The following IL1RAPL1 variants were observed in gnomAD, a reference collection of about 807,000 sequenced individuals.
IL1RAPL1 encodes interleukin 1 receptor accessory protein like 1, also known as interleukin-1 receptor accessory protein-like 1.
A neutral mutation model predicts 48.4 loss-of-function variants in IL1RAPL1; 3 were observed. The ratio of observed to expected loss-of-function variants is 0.06; its 90% confidence interval spans 0.03 to 0.16. The LOEUF is 0.16. IL1RAPL1 is among the 10% of genes least tolerant of loss of function. The pLI is 1.00. For synonymous variants in IL1RAPL1, 185 were observed against 187.7 expected (o/e 0.99, Z 0.12); for missense variants, 349 against 530.6 (o/e 0.66, Z 3.36).
chrX:28,592,414 C>A (rs1384492852), intron 1 of IL1RAPL1, among the ~76,000 whole-genome samples: 1 of 111,162 alleles, frequency 9.0e-6, no homozygotes, highest in Admixed American at 9.6e-5. Flanking sequence ...AGTTTGAATA[C>A]CAAGTGTAAT....
chrX:29,644,558 G>T (rs376293830), intron 5 of IL1RAPL1, among the ~76,000 whole-genome samples: 158 of 90,248 alleles, frequency 1.8e-3, no homozygotes, highest in African/African-American at 3.2e-3. Context: ...TTTTTTTTTT[G>T]TTTTGTTTTC....
intron 2 of IL1RAPL1, among the ~76,000 whole-genome samples, chrX:29,159,551 T>A (rs890500741): frequency 8.9e-6 from 1 of 111,822 alleles, no homozygotes; most frequent in African/African-American, 3.2e-5. Flanking sequence ...AGTCCAGAAA[T>A]GTCTGTGAAT....
intron 3 of IL1RAPL1, among the ~76,000 whole-genome samples, chrX:29,319,152 A>ATCTATCTATCTGTCTGTCTGTCTGTCTG (rs368138032): frequency 1.2e-4 from 9 of 74,101 alleles, no homozygotes; most frequent in African/African-American, 4.6e-4. Flanking sequence ...ATATCTGTCT[A>ATCTATCTATCTGTCTGTCTGTCTGTCTG]TCTGTCTGTC....
At chrX:29,591,471 CA>C (rs1482082659) in intron 5 of IL1RAPL1, among the ~76,000 whole-genome samples, 2 of 112,487 alleles carry the variant, frequency 1.8e-5, no homozygotes, top group Non-Finnish European at 3.8e-5. Context: ...TCTGCTTAGA[CA>C]GAGGTAGAGG....
intron 5 of IL1RAPL1, among the ~76,000 whole-genome samples, chrX:29,642,265 C>T (rs1602342086): frequency 8.9e-6 from 1 of 111,970 alleles, no homozygotes; most frequent in South Asian, 3.7e-4. Context: ...TGTATTAAAG[C>T]CCTGCGCTAA....
intron 6 of IL1RAPL1, among the ~76,000 whole-genome samples, chrX:29,674,735 G>A (rs1210503723): frequency 2.7e-5 from 3 of 110,701 alleles, no homozygotes; most frequent in African/African-American, 9.9e-5. Flanking sequence ...CCACCCTCAG[G>A]TAGGCCCCAG....
chrX:29,889,867 A>AT (rs763936615), intron 6 of IL1RAPL1, among the ~76,000 whole-genome samples: 619 of 106,610 alleles, frequency 5.8e-3, no homozygotes, highest in Middle Eastern at 0.024. Flanking sequence ...AACTGTTTCA[A>AT]TTTTTTTTTT....
At position 29,418,125 on chromosome X, in the gene IL1RAPL1, A is replaced by ATT. The variant is rs1186251989; in HGVS notation, c.703+18833_703+18834dup. Among the ~76,000 whole-genome samples the ATT allele has an allele frequency of 7.9e-3, 211 of 26,668 alleles. 2 individuals carry two copies. The highest frequency in any genetic ancestry group is 0.045 in the South Asian group (8 of 176). The allele number at this position is 26,668 out of a possible 115,157, so 23.2% of individuals were successfully genotyped here. A position where few individuals can be genotyped will look rare whatever the true frequency, so the allele number is the denominator to read the frequency against. ...TATATATATATATATATATATATAT[A>ATT]TTTTTTTTTTTTTTTTTGAGATGGA... On this transcript the variant is annotated intron_variant, in intron 5 of 10. Coordinates refer to ENST00000378993, the MANE Select transcript of IL1RAPL1 (RefSeq NM_014271.4).
At chrX:28,902,613 G>C (rs927521509) in intron 2 of IL1RAPL1, among the ~76,000 whole-genome samples, 3 of 111,673 alleles carry the variant, frequency 2.7e-5, no homozygotes, top group Non-Finnish European at 5.6e-5. Flanking sequence ...TCTACACCTG[G>C]TAATAGTGCA....
chrX:28,788,715 G>A (rs141657830), intron 1 of IL1RAPL1, among the ~76,000 whole-genome samples: 178 of 107,772 alleles, frequency 1.7e-3, no homozygotes, highest in African/African-American at 5.1e-3. Context: ...GGATCTACCC[G>A]CTTCAGCCTC....
chrX:29,789,276 A>T (rs1023335775), intron 6 of IL1RAPL1, among the ~76,000 whole-genome samples: 3 of 111,987 alleles, frequency 2.7e-5, no homozygotes, highest in Non-Finnish European at 5.6e-5. Flanking sequence ...ATTAAATCTC[A>T]TGAGGAATTG....
chrX:29,522,559 C>T (rs1935513597), intron 5 of IL1RAPL1, among the ~76,000 whole-genome samples: 3 of 111,764 alleles, frequency 2.7e-5, no homozygotes, highest in Middle Eastern at 9.2e-3. Flanking sequence ...GTTGTCTCTC[C>T]GTATCTGGAG....
chrX:28,727,820 A>G (rs770353158), intron 1 of IL1RAPL1, among the ~76,000 whole-genome samples: 1 of 111,228 alleles, frequency 9.0e-6, no homozygotes, highest in South Asian at 3.8e-4. Context: ...TATCGCAAGA[A>G]CAAAAAACCA....
At chrX:29,211,120 GGA>G (rs3065741) in intron 2 of IL1RAPL1, among the ~76,000 whole-genome samples, 55 of 103,951 alleles carry the variant, frequency 5.3e-4, no homozygotes, top group African/African-American at 8.4e-4. Context: ...AAAGAGAAAG[GGA>G]GAGAGAGAGA....
At chrX:28,941,565 G>A (rs1027230481) in intron 2 of IL1RAPL1, among the ~76,000 whole-genome samples, 5 of 110,875 alleles carry the variant, frequency 4.5e-5, no homozygotes, top group Non-Finnish European at 9.5e-5. Context: ...TTTAAGAAGG[G>A]GCAGAAATGA....
chrX:29,564,561 C>T (rs374667988), intron 5 of IL1RAPL1, among the ~76,000 whole-genome samples: 2 of 112,588 alleles, frequency 1.8e-5, no homozygotes, highest in East Asian at 5.6e-4. Flanking sequence ...TTAACGTTAC[C>T]ATTTTATGCC....
chrX:29,428,593 TA>T (rs954767658), intron 5 of IL1RAPL1, among the ~76,000 whole-genome samples: 59 of 111,260 alleles, frequency 5.3e-4, no homozygotes, highest in African/African-American at 1.7e-3. Flanking sequence ...AAAAACTTTC[TA>T]AGACTATGTA....
intron 1 of IL1RAPL1, among the ~76,000 whole-genome samples, chrX:28,780,363 G>C (rs7059464): frequency 0.013 from 1,157 of 91,418 alleles, 10 homozygotes; most frequent in African/African-American, 0.027. Flanking sequence ...GTGTGTGTGT[G>C]TGTCTGTCTG....
At chrX:28,706,677 G>A (rs1355783173) in intron 1 of IL1RAPL1, among the ~76,000 whole-genome samples, 1 of 111,756 alleles carries the variant, frequency 8.9e-6, no homozygotes, top group Non-Finnish European at 1.9e-5. Context: ...GCCTCTGAAA[G>A]TGCTGGGATT....
Sources: allele counts gnomAD v4.1 joint callset (sites outside exome capture counted in the v4.1 genomes callset), GRCh38; gene constraint gnomAD v4.1.1; transcripts MANE v1.5; gene names NCBI Gene and HGNC (gene_info 2026-07-23, HGNC 2026-07-21).